Variants in GPC6 observed in about 807,000 individuals in gnomAD.
GPC6 encodes the protein glypican-6.
In GPC6, 14 loss-of-function variants were observed where a neutral mutation model predicts 55.2. That is an observed-to-expected ratio of 0.25 (90% confidence interval 0.17 to 0.40). The LOEUF (loss-of-function observed/expected upper bound fraction) is 0.40, where lower values mean the gene tolerates loss of function less well. GPC6 is among the 10% of genes least tolerant of loss of function. The pLI, the probability that GPC6 is intolerant of heterozygous loss-of-function variation, is 1.00. For synonymous variants in GPC6, 278 were observed against 259.6 expected (o/e 1.07, Z -0.68); for missense variants, 641 against 708.5 (o/e 0.90, Z 1.08).
intron 2 of GPC6, among the ~76,000 whole-genome samples, chr13:93,762,144 C>T (rs974724667): frequency 2.0e-5 from 3 of 152,136 alleles, no homozygotes; most frequent in African/African-American, 4.8e-5. Flanking sequence ...CTTTCTGTCC[C>T]TGGCTTATTT....
intron 4 of GPC6, among the ~76,000 whole-genome samples, chr13:94,182,780 A>G (rs950887450): frequency 1.3e-5 from 2 of 151,956 alleles, no homozygotes; most frequent in Non-Finnish European, 1.5e-5. Context: ...CATTTTATTT[A>G]TGTATGTATA....
At chr13:93,826,664 A>G (rs779850847) in intron 2 of GPC6, among the ~76,000 whole-genome samples, 8 of 152,194 alleles carry the variant, frequency 5.3e-5, no homozygotes, top group Non-Finnish European at 7.3e-5. Context: ...TGTAGACTGT[A>G]GAGAGCCTCT....
At chr13:94,146,352 G>C (rs530194286) in intron 4 of GPC6, among the ~76,000 whole-genome samples, 2 of 152,040 alleles carry the variant, frequency 1.3e-5, no homozygotes, top group Non-Finnish European at 2.9e-5. Context: ...AGACACAGTT[G>C]TAATTTACTA....
At chr13:93,516,872 C>T (rs1881217987) in intron 1 of GPC6, among the ~76,000 whole-genome samples, 1 of 152,058 alleles carries the variant, frequency 6.6e-6, no homozygotes, top group Admixed American at 6.6e-5. Context: ...CTAGGTTTTG[C>T]AGCAGTCTCT....
At chr13:93,594,235 G>C (rs912827613) in intron 2 of GPC6, among the ~76,000 whole-genome samples, 3 of 151,578 alleles carry the variant, frequency 2.0e-5, no homozygotes, top group Admixed American at 6.6e-5. Flanking sequence ...TTCTGTTATG[G>C]GGGTTTGTTG....
At chr13:93,546,555 T>A (rs1381225016) in intron 2 of GPC6, among the ~76,000 whole-genome samples, 1 of 152,220 alleles carries the variant, frequency 6.6e-6, no homozygotes, top group African/African-American at 2.4e-5. Context: ...TCACATTCTG[T>A]CTTTGGCTCT....
intron 2 of GPC6, 132 bp from the exon 3 acceptor site, chr13:93,830,022 C>T (rs904966854): frequency 1.6e-6 from 1 of 627,096 alleles, no homozygotes; most frequent in Non-Finnish European, 2.8e-6. Context: ...TTTATCTGTC[C>T]ATTAACACCT....
intron 4 of GPC6, among the ~76,000 whole-genome samples, chr13:94,113,762 T>A (rs1886329808): frequency 6.6e-6 from 1 of 152,010 alleles, no homozygotes; most frequent in Non-Finnish European, 1.5e-5. Flanking sequence ...ATCTCACGCC[T>A]GCAATCCCAG....
chr13:94,193,502 T>G (rs1889466411), intron 4 of GPC6, among the ~76,000 whole-genome samples: 1 of 152,126 alleles, frequency 6.6e-6, no homozygotes, highest in Non-Finnish European at 1.5e-5. Context: ...TAACAGAACT[T>G]GAGGCAAAGG....
At chr13:94,152,667 A>AG (rs1887783657) in intron 4 of GPC6, among the ~76,000 whole-genome samples, 1 of 151,758 alleles carries the variant, frequency 6.6e-6, no homozygotes, top group Admixed American at 6.6e-5. Context: ...AAAAAAAAAA[A>AG]TCATTGTATT....
chr13:93,274,549 T>C (rs1417943863), intron 1 of GPC6, among the ~76,000 whole-genome samples: 3 of 152,356 alleles, frequency 2.0e-5, no homozygotes, highest in Non-Finnish European at 1.5e-5. Flanking sequence ...ATTACATGGT[T>C]ACTACATACT....
chr13:94,363,496 G>T lies in GPC6; in HGVS notation c.1153-18918G>T, dbSNP rs559266652. Among the ~76,000 whole-genome samples, 7 of 152,280 alleles carry T rather than the reference G, an allele frequency of 4.6e-5. No individual in the cohort carries two copies. The East Asian group carries it at 1.4e-3, about 29-fold the overall frequency. On this transcript the variant is annotated intron_variant, in intron 6 of 8. Coordinates refer to ENST00000377047, the MANE Select transcript of GPC6 (RefSeq NM_005708.5). The stretch of plus-strand genomic sequence containing the variant: ...AGGTCAGAGAAAAATGAGTTCTGTT[G>T]ATTTGAAATGCAACCTACTCAAAAA...
intron 6 of GPC6, among the ~76,000 whole-genome samples, chr13:94,318,390 G>A (rs1002922261): frequency 3.3e-5 from 5 of 152,038 alleles, no homozygotes; most frequent in African/African-American, 1.2e-4. Flanking sequence ...ACATACCTAT[G>A]ATAAAGTTTC....
chr13:94,266,344 A>AT (rs1438274990), intron 4 of GPC6, among the ~76,000 whole-genome samples: 2 of 151,678 alleles, frequency 1.3e-5, no homozygotes, highest in South Asian at 2.1e-4. Context: ...AATTTTTTGT[A>AT]TTTTTAGTAG....
intron 2 of GPC6, among the ~76,000 whole-genome samples, chr13:93,579,556 T>C (rs1347797987): frequency 6.6e-6 from 1 of 152,058 alleles, no homozygotes; most frequent in East Asian, 1.9e-4. Context: ...TTAATTCTTC[T>C]TCATTTTATA....
intron 2 of GPC6, among the ~76,000 whole-genome samples, chr13:93,589,655 C>T (rs1259398976): frequency 6.6e-6 from 1 of 152,174 alleles, no homozygotes; most frequent in Non-Finnish European, 1.5e-5. Context: ...CTGGGAAAAT[C>T]ACATAACCTC....
intron 4 of GPC6, among the ~76,000 whole-genome samples, chr13:94,078,167 A>T (rs979082161): frequency 3.9e-5 from 6 of 152,058 alleles, no homozygotes; most frequent in Admixed American, 2.6e-4. Context: ...TGAGCGACCA[A>T]TGGGACCAAG....
chr13:93,608,186 C>T (rs1878324689), intron 2 of GPC6, among the ~76,000 whole-genome samples: 1 of 152,000 alleles, frequency 6.6e-6, no homozygotes, highest in Non-Finnish European at 1.5e-5. Context: ...TAGTGTATTG[C>T]CTTGAAAGTA....
At chr13:93,368,489 A>C (rs1881341775) in intron 1 of GPC6, among the ~76,000 whole-genome samples, 1 of 151,804 alleles carries the variant, frequency 6.6e-6, no homozygotes, top group African/African-American at 2.4e-5. Context: ...TTGTAAAAGG[A>C]AGGACTTGAA....
Sources: allele counts gnomAD v4.1 joint callset (sites outside exome capture counted in the v4.1 genomes callset), GRCh38; gene constraint gnomAD v4.1.1; transcripts MANE v1.5; gene names NCBI Gene and HGNC (gene_info 2026-07-23, HGNC 2026-07-21).